RMST: variants seen among roughly 807,000 people sequenced by gnomAD.
RMST encodes rhabdomyosarcoma 2 associated transcript.
chr12:97,515,893 A>C (rs2136533769), intron 10 of RMST, among the ~76,000 whole-genome samples: 1 of 152,162 alleles, frequency 6.6e-6, no homozygotes, highest in South Asian at 2.1e-4. Context: ...CAGAGAACTT[A>C]CTGTGGATAT....
intron 5 of RMST, among the ~76,000 whole-genome samples, chr12:97,484,492 C>A (rs1875840342): frequency 1.3e-5 from 2 of 152,300 alleles, no homozygotes; most frequent in South Asian, 4.1e-4. Flanking sequence ...AACCCTTTTA[C>A]TATTCAGAGA....
At chr12:97,557,228 T>A (rs1883766429) in intron 11 of RMST, among the ~76,000 whole-genome samples, 3 of 152,228 alleles carry the variant, frequency 2.0e-5, no homozygotes, top group African/African-American at 7.2e-5. Context: ...ATATTTGCAA[T>A]GCAACTTAAT....
chr12:97,506,252 A>G (rs955523447), intron 10 of RMST, among the ~76,000 whole-genome samples: 15 of 152,208 alleles, frequency 9.9e-5, no homozygotes, highest in Non-Finnish European at 1.8e-4. Flanking sequence ...AGAACAGCTC[A>G]AAACCCTATT....
chr12:97,525,317 T>TA (rs1253414845), intron 10 of RMST, among the ~76,000 whole-genome samples: 4 of 152,184 alleles, frequency 2.6e-5, no homozygotes, highest in African/African-American at 9.7e-5. Flanking sequence ...GAGGTCATGT[T>TA]ATGGTGCAGA....
chr12:97,551,439 G>GT (rs1883305286), intron 11 of RMST, among the ~76,000 whole-genome samples: 1 of 152,260 alleles, frequency 6.6e-6, no homozygotes, highest in South Asian at 2.1e-4. Flanking sequence ...ATGAGGTGAA[G>GT]GATAAATAGA....
chr12:97,508,315 C>T (rs1254071798), intron 10 of RMST, among the ~76,000 whole-genome samples: 1 of 152,122 alleles, frequency 6.6e-6, no homozygotes, highest in Non-Finnish European at 1.5e-5. Context: ...ACTAATGAAA[C>T]AACTCCTGGG....
At chr12:97,563,225 G>T (rs1039713052) in intron 13 of RMST, 3 of 152,974 alleles carry the variant, frequency 2.0e-5, no homozygotes, top group Non-Finnish European at 4.4e-5. Context: ...TGTAGATGGG[G>T]TTGGGGATGC....
intron 10 of RMST, among the ~76,000 whole-genome samples, chr12:97,510,090 T>A (rs917104455): frequency 6.6e-5 from 10 of 152,238 alleles, no homozygotes; most frequent in African/African-American, 2.4e-4. Context: ...CACTCATTTA[T>A]ACTCTGAGAT....
At chr12:97,553,810 T>C (rs745361294) in intron 11 of RMST, among the ~76,000 whole-genome samples, 1 of 152,160 alleles carries the variant, frequency 6.6e-6, no homozygotes, top group Non-Finnish European at 1.5e-5. Flanking sequence ...CTAAGCCTCA[T>C]TCCCAGCATG....
chr12:97,490,144 G>C (rs1876613339), intron 5 of RMST, among the ~76,000 whole-genome samples: 1 of 152,214 alleles, frequency 6.6e-6, no homozygotes, highest in South Asian at 2.1e-4. Flanking sequence ...GAATGAGTGA[G>C]AAATAGAAGA....
intron 5 of RMST, among the ~76,000 whole-genome samples, chr12:97,482,603 A>T (rs970613123): frequency 7.0e-6 from 1 of 143,288 alleles, no homozygotes; most frequent in Admixed American, 6.9e-5. Flanking sequence ...AGATTTTAAA[A>T]TTTATTTATT....
intron 10 of RMST, among the ~76,000 whole-genome samples, chr12:97,509,212 A>C (rs1879022194): frequency 6.6e-6 from 1 of 152,208 alleles, no homozygotes; most frequent in African/African-American, 2.4e-5. Context: ...AGCATTATCA[A>C]TTTATTTATA....
intron 4 of RMST, among the ~76,000 whole-genome samples, chr12:97,463,745 C>CA (rs1294659391): frequency 6.6e-6 from 1 of 151,992 alleles, no homozygotes; most frequent in African/African-American, 2.4e-5. Context: ...TGAGCTGTCA[C>CA]AAAAAGATAA....
At chr12:97,495,098 C>T (rs1450691730) in intron 9 of RMST, among the ~76,000 whole-genome samples, 1 of 151,214 alleles carries the variant, frequency 6.6e-6, no homozygotes, top group East Asian at 1.9e-4. Flanking sequence ...TCATCCTTTG[C>T]AGCTTAGAAA....
chr12:97,562,154 C>T (rs1281180314), intron 13 of RMST, among the ~76,000 whole-genome samples: 1 of 152,168 alleles, frequency 6.6e-6, no homozygotes, highest in African/African-American at 2.4e-5. Flanking sequence ...TGCCTCGACA[C>T]TTTAAAACTG....
intron 10 of RMST, among the ~76,000 whole-genome samples, chr12:97,527,803 T>C (rs573813692): frequency 1.6e-4 from 24 of 152,236 alleles, no homozygotes; most frequent in African/African-American, 4.1e-4. Context: ...ATGTAGACCA[T>C]GTTTCTGTGT....
rs200665793 is a variant in RMST, at chr12:97,545,498, A to AT, written n.1545+14646dup. On this transcript the variant is annotated intron_variant and non_coding_transcript_variant, in intron 11 of 13. Transcript: ENST00000640149. ...AGACATGTCCCACCCTCAGAGAACA[A>AT]TTTTTTTAAAACTAATCAGTCATTG... Among the ~76,000 whole-genome samples, 110 of 152,078 alleles carry AT rather than the reference A, an allele frequency of 7.2e-4. 2 individuals carry two copies. The East Asian group carries it at 0.019, about 27-fold the overall frequency.
intron 10 of RMST, among the ~76,000 whole-genome samples, chr12:97,512,008 G>A (rs1397366790): frequency 6.6e-6 from 1 of 152,182 alleles, no homozygotes; most frequent in Non-Finnish European, 1.5e-5. Flanking sequence ...CGCAGTGAGT[G>A]TTACAGTTCT....
chr12:97,467,194 G>A (rs1873291663), intron 5 of RMST, among the ~76,000 whole-genome samples: 1 of 152,036 alleles, frequency 6.6e-6, no homozygotes, highest in Non-Finnish European at 1.5e-5. Context: ...TATTAAATAG[G>A]TAAGTGCAGA....
Sources: gnomAD v4.1 joint callset for allele counts (sites outside exome capture counted in the v4.1 genomes callset) on GRCh38, gnomAD v4.1.1 for gene constraint, MANE v1.5 for transcripts, NCBI Gene and HGNC (gene_info 2026-07-23, HGNC 2026-07-21) for gene names.